FBLN5: variants seen among roughly 807,000 people sequenced by gnomAD.
FBLN5 encodes the protein fibulin 5.
In FBLN5, 24 loss-of-function variants were observed where a neutral mutation model predicts 61.6. The ratio of observed to expected loss-of-function variants is 0.39; its 90% CI spans 0.28 to 0.55. The LOEUF (loss-of-function observed/expected upper bound fraction) is 0.55. Ranked by LOEUF, FBLN5 falls within the 20% of genes least tolerant of loss-of-function variation. The probability of loss-of-function intolerance (pLI) is 0.65; values close to 1 mark genes in which losing one functional copy is unlikely to be tolerated. For missense variants in FBLN5, 470 were observed against 594.1 expected (o/e 0.79, Z 2.17); for synonymous variants, 213 against 219.8 (o/e 0.97, Z 0.27).
At chr14:91,945,360 G>A (rs1392772935) in intron 1 of FBLN5, among the ~76,000 whole-genome samples, 1 of 152,130 alleles carries the variant, frequency 6.6e-6, no homozygotes, top group African/African-American at 2.4e-5. Flanking sequence ...CTACAGAACT[G>A]TGAAACAACC....
At chr14:91,879,206 C>A (rs1478472102) in intron 9 of FBLN5, among the ~76,000 whole-genome samples, 1 of 152,134 alleles carries the variant, frequency 6.6e-6, no homozygotes, top group Non-Finnish European at 1.5e-5. Context: ...GTGATGGCTC[C>A]CAGCTGAAGA....
chr14:91,936,276 A>C (rs2056013746), intron 4 of FBLN5, among the ~76,000 whole-genome samples: 1 of 152,264 alleles, frequency 6.6e-6, no homozygotes, highest in Non-Finnish European at 1.5e-5. Flanking sequence ...ACAAGGTGTC[A>C]CCATGTTGCC....
intron 4 of FBLN5, among the ~76,000 whole-genome samples, chr14:91,935,593 CAGGGGAGAAGTT>C (rs1045555847): frequency 3.0e-4 from 46 of 152,234 alleles, no homozygotes; most frequent in African/African-American, 1.1e-3. Flanking sequence ...AGATTGTAGA[CAGGGGAGAAGTT>C]AGGGGAGCTG....
At chr14:91,910,182 T>A (rs1890859639) in intron 4 of FBLN5, among the ~76,000 whole-genome samples, 1 of 152,188 alleles carries the variant, frequency 6.6e-6, no homozygotes, top group Non-Finnish European at 1.5e-5. Context: ...TGAGGGAATA[T>A]TGTTCAGCCT....
At chr14:91,881,523 T>C in intron 8 of FBLN5, 105 bp from the exon 9 acceptor site, 10 of 1,283,850 alleles carry the variant, frequency 7.8e-6, no homozygotes, top group Non-Finnish European at 1.1e-5. Context: ...TACTATCCAA[T>C]ATGGCAGCAA....
intron 4 of FBLN5, among the ~76,000 whole-genome samples, chr14:91,933,083 A>G (rs17127754): frequency 0.014 from 2,177 of 152,314 alleles, 60 homozygotes; most frequent in African/African-American, 0.05. Context: ...CTGAGAAAGC[A>G]GGATTTTGTT....
chr14:91,911,711 A>C (rs1316936206), intron 4 of FBLN5, among the ~76,000 whole-genome samples: 2 of 151,074 alleles, frequency 1.3e-5, no homozygotes, highest in African/African-American at 2.4e-5. Context: ...TCTGGGGCCC[A>C]GTTGAGCTCC....
At chr14:91,883,111 C>T (rs1275805375) in intron 7 of FBLN5, 35 bp from the exon 8 acceptor site, 1 of 1,612,070 alleles carries the variant, frequency 6.2e-7, no homozygotes, top group Non-Finnish European at 8.5e-7. Flanking sequence ...GTTTGTAATC[C>T]CAGTCTACAT....
chr14:91,892,270 A>G (rs527916210), intron 5 of FBLN5, among the ~76,000 whole-genome samples: 3 of 152,304 alleles, frequency 2.0e-5, no homozygotes, highest in African/African-American at 7.2e-5. Flanking sequence ...GATGGCACCA[A>G]TACAGGCTCC....
chr14:91,944,567 A>G (rs1421872831), intron 1 of FBLN5, among the ~76,000 whole-genome samples: 1 of 152,260 alleles, frequency 6.6e-6, no homozygotes, highest in African/African-American at 2.4e-5. Context: ...CGATGGATAC[A>G]TGGATAAACA....
intron 4 of FBLN5, among the ~76,000 whole-genome samples, chr14:91,926,956 C>T (rs1440063939): frequency 6.6e-6 from 1 of 152,160 alleles, no homozygotes; most frequent in Non-Finnish European, 1.5e-5. Flanking sequence ...TGTAACGGTG[C>T]AGTGATAGGA....
At position 91,911,876 on chromosome 14, in the gene FBLN5, A is replaced by G. The variant is rs143355696; in HGVS notation, c.380-16804T>C. Among the ~76,000 whole-genome samples, 787 of 151,978 alleles carry G rather than the reference A, an allele frequency of 5.2e-3. 11 individuals carry two copies. The highest frequency in any genetic ancestry group is 0.017 in the African/African-American group (720 of 41,506). On this transcript the variant is annotated intron_variant, in intron 4 of 10. Transcript: ENST00000342058. ...ACAAAATGAGGGCATGACCTTGTAG[A>G]CCTATTAGCAAGTAGGAAGAAAACT...
intron 10 of FBLN5, among the ~76,000 whole-genome samples, chr14:91,873,259 TGAG>T (rs1048717238): frequency 1.1e-4 from 16 of 152,170 alleles, no homozygotes; most frequent in Admixed American, 1.0e-3. Context: ...TGCGAAAAGA[TGAG>T]GAGGAGGAGG....
intron 4 of FBLN5, among the ~76,000 whole-genome samples, chr14:91,900,968 GC>G (rs1347344082): frequency 6.6e-6 from 1 of 152,202 alleles, no homozygotes; most frequent in African/African-American, 2.4e-5. Context: ...TACAGCCAAA[GC>G]CAGGGACTTC....
rs192878051 is a variant in FBLN5 at position 91,925,212 on chromosome 14, C to T, written c.379+11735G>A. On this transcript the variant is annotated intron_variant, in intron 4 of 10. Transcript: ENST00000342058. ...TGACAAGACCCCAAGTATTCTGCTT[C>T]CCCGGCCCCAACATACCCGCCGGCC... Among the ~76,000 whole-genome samples, 905 of 152,352 alleles carry T rather than the reference C, an allele frequency of 5.9e-3. 7 individuals carry two copies. The highest frequency in any genetic ancestry group is 0.02 in the Middle Eastern group (6 of 294).
chr14:91,898,243 T>G (rs78014215), intron 4 of FBLN5, among the ~76,000 whole-genome samples: 2,226 of 152,170 alleles, frequency 0.015, 63 homozygotes, highest in African/African-American at 0.051. Flanking sequence ...CTTTATAGCC[T>G]GAAAACACAC....
chr14:91,893,652 G>A (rs1038891766), intron 5 of FBLN5, among the ~76,000 whole-genome samples: 3 of 152,246 alleles, frequency 2.0e-5, no homozygotes, highest in Admixed American at 2.0e-4. Flanking sequence ...AAATTGAAGT[G>A]ACAGCTAGAG....
At chr14:91,926,206 G>A (rs961881047) in intron 4 of FBLN5, among the ~76,000 whole-genome samples, 5 of 152,140 alleles carry the variant, frequency 3.3e-5, no homozygotes, top group Non-Finnish European at 7.4e-5. Flanking sequence ...AAAGACAAGA[G>A]CCTGTGGGCA....
At chr14:91,930,109 CAGG>C (rs2055898192) in intron 4 of FBLN5, among the ~76,000 whole-genome samples, 2 of 152,114 alleles carry the variant, frequency 1.3e-5, no homozygotes, top group South Asian at 2.1e-4. Context: ...GGGTTTGGAG[CAGG>C]AGAAGTCATC....
Sources: gnomAD v4.1 joint callset for allele counts (sites outside exome capture counted in the v4.1 genomes callset) on GRCh38, gnomAD v4.1.1 for gene constraint, MANE v1.5 for transcripts, NCBI Gene and HGNC (gene_info 2026-07-23, HGNC 2026-07-21) for gene names.